Variants in TLR5 observed in about 807,000 individuals in gnomAD.
TLR5 encodes toll like receptor 5.
For synonymous variants in TLR5, 373 were observed against 384.4 expected, an observed-to-expected ratio of 0.97 and a Z score of 0.35; for missense variants, 944 against 999.8, an observed-to-expected ratio of 0.94 and a Z score of 0.75.
Position 223,116,705 on chromosome 1 carries a change from A to G in TLR5, c.-4-3670T>C, listed in dbSNP as rs111901904. Among the ~76,000 whole-genome samples, 1,241 of 152,088 alleles carry G rather than the reference A, an allele frequency of 8.2e-3. 18 individuals carry two copies. Among genetic ancestry groups the G allele is most frequent in the African/African-American group, 0.029 (1,196 of 41,432 alleles). On this transcript the variant is annotated intron_variant, in intron 5 of 5. Transcript: ENST00000642603. ...CACAGAGCTGATTGGTCTGTTTTACAAAGAGCTGATTGGTCCGTTTTGACA... is the reference window on the plus strand; with the variant it reads ...CACAGAGCTGATTGGTCTGTTTTACGAAGAGCTGATTGGTCCGTTTTGACA...
intron 5 of TLR5, among the ~76,000 whole-genome samples, chr1:223,115,225 G>A (rs1400423585): frequency 6.6e-6 from 1 of 152,080 alleles, no homozygotes; most frequent in Non-Finnish European, 1.5e-5. Flanking sequence ...AATTTGCTGA[G>A]CACCCATTAT....
intron 5 of TLR5, among the ~76,000 whole-genome samples, chr1:223,125,860 A>C (rs972247896): frequency 1.2e-4 from 18 of 152,198 alleles, no homozygotes; most frequent in African/African-American, 4.3e-4. Flanking sequence ...AGGTGACTCC[A>C]CCAGCAGAGA....
chr1:223,121,572 G>A (rs763133204), intron 5 of TLR5, among the ~76,000 whole-genome samples: 3 of 152,240 alleles, frequency 2.0e-5, no homozygotes, highest in Admixed American at 1.3e-4. Flanking sequence ...AGGCTGGAGT[G>A]CAGTGGTGCG....
intron 2 of TLR5, among the ~76,000 whole-genome samples, chr1:223,140,035 T>C (rs541528092): frequency 6.6e-6 from 1 of 152,288 alleles, no homozygotes; most frequent in Admixed American, 6.5e-5. Flanking sequence ...TTAACTCCTA[T>C]GGACAATACG....
At chr1:223,138,153 G>A (rs1657690177) in intron 2 of TLR5, among the ~76,000 whole-genome samples, 1 of 146,580 alleles carries the variant, frequency 6.8e-6, no homozygotes, top group Admixed American at 6.7e-5. Context: ...GGGGGTGGAG[G>A]GGTCTCACTA....
intron 5 of TLR5, among the ~76,000 whole-genome samples, chr1:223,125,825 G>T (rs1657143626): frequency 6.6e-6 from 1 of 152,188 alleles, no homozygotes; most frequent in Admixed American, 6.5e-5. Flanking sequence ...TGTGGCTTGG[G>T]CATCCAGGGT....
At chr1:223,120,233 A>C (rs1656895911) in intron 5 of TLR5, among the ~76,000 whole-genome samples, 1 of 152,204 alleles carries the variant, frequency 6.6e-6, no homozygotes, top group East Asian at 1.9e-4. Context: ...AGTTCTCATG[A>C]AAGAGACATT....
chr1:223,119,538 A>C (rs927917361), intron 5 of TLR5, among the ~76,000 whole-genome samples: 1 of 152,014 alleles, frequency 6.6e-6, no homozygotes, highest in African/African-American at 2.4e-5. Context: ...CCATGATGGG[A>C]AAGGTGAGGG....
At chr1:223,128,086 A>G (rs1452994737) in intron 5 of TLR5, 2 of 152,190 alleles carry the variant, frequency 1.3e-5, no homozygotes, top group Admixed American at 6.5e-5. Context: ...ATAGACGCAA[A>G]TCCCTATAAT....
At position 223,112,560 on chromosome 1, in the gene TLR5, G is replaced by A. The variant is rs145281488; in HGVS notation, c.472C>T (p.Arg158Cys). The change falls in exon 6 of 6, where the codon CGT becomes TGT. Residue 158 changes from arginine to cysteine, a missense_variant. By Grantham distance (180) the Arg-to-Cys change is radical. Transcript: ENST00000642603. ...AATGAAGGATGAAGGTAAAGGCTACGAATCTGATTTTTGGATAGATCCAAG... is the reference window on the plus strand; with the variant it reads ...AATGAAGGATGAAGGTAAAGGCTACAAATCTGATTTTTGGATAGATCCAAG... ...TRLDLSKNQI[R>C]SLYLHPSFGK... The A allele has an allele frequency of 4.8e-5, 78 of 1,614,212 alleles. No homozygotes were observed. The highest frequency in any genetic ancestry group is 1.7e-4 in the Admixed American group (10 of 60,028).
chr1:223,138,957 G>A (rs911651211), intron 2 of TLR5, among the ~76,000 whole-genome samples: 2 of 152,182 alleles, frequency 1.3e-5, no homozygotes. Flanking sequence ...AGTCTCACGA[G>A]ATTTAATGGT....
intron 1 of TLR5, among the ~76,000 whole-genome samples, chr1:223,142,798 G>A (rs1251830933): frequency 6.6e-6 from 1 of 152,176 alleles, no homozygotes; most frequent in Non-Finnish European, 1.5e-5. Flanking sequence ...TTCCAAGGAA[G>A]AAAGTGACTG....
At chr1:223,123,169 G>A (rs1271278156) in intron 5 of TLR5, among the ~76,000 whole-genome samples, 3 of 152,158 alleles carry the variant, frequency 2.0e-5, no homozygotes, top group Admixed American at 1.3e-4. Flanking sequence ...ATCCAAACAC[G>A]AGAAGGAAAT....
chr1:223,111,245 T>G lies in TLR5; in HGVS notation c.1787A>C (p.His596Pro). The G allele has an allele frequency of 6.2e-7, 1 of 1,614,208 alleles. No individual in the cohort carries two copies. The highest frequency in any genetic ancestry group is 1.1e-5 in the South Asian group (1 of 91,084). ...ELSTFINWLN[H>P]TNVTIAGPPA... ...AGGCCCAGCTATAGTGACATTGGTG[T>G]GATTAAGCCAATTGATAAAAGTGCT... The change falls in exon 6 of 6, where the codon CAC becomes CCC. Residue 596 changes from histidine (H) to proline (P), a missense_variant. Physicochemically the swap from His to Pro is moderately conservative, Grantham distance 77 (BLOSUM62 -2). Transcript: ENST00000642603.
chr1:223,114,861 A>C (rs1053308014), intron 5 of TLR5, among the ~76,000 whole-genome samples: 1 of 152,162 alleles, frequency 6.6e-6, no homozygotes. Context: ...TCTTTTAAAC[A>C]TCATTCTTTT....
At chr1:223,113,803 G>A (rs1198008433) in intron 5 of TLR5, among the ~76,000 whole-genome samples, 2 of 152,176 alleles carry the variant, frequency 1.3e-5, no homozygotes, top group African/African-American at 4.8e-5. Context: ...TCATTCATTC[G>A]TTTGTTTATT....
At chr1:223,133,005 A>G (rs974592207) in intron 4 of TLR5, among the ~76,000 whole-genome samples, 31 of 152,214 alleles carry the variant, frequency 2.0e-4, no homozygotes, top group African/African-American at 7.5e-4. Context: ...TCCAGTGAGC[A>G]GAGAACTTCC....
chr1:223,112,768 C>T lies in TLR5; in HGVS notation c.264G>A (p.Lys88=). The change falls in exon 6 of 6, where the codon AAG becomes AAA. Residue 88 remains lysine (K), a synonymous_variant. Coordinates refer to ENST00000642603, the MANE Select transcript of TLR5 (RefSeq NM_003268.6). ...GSQYTPLTID[K]EAFRNLPNLR... ...GGTTGGGCAGGTTTCTGAAGGCCTC[C>T]TTGTCAATAGTCAAGGGGGTATACT... is the stretch of plus-strand genomic sequence containing the variant. 1 of 1,613,918 alleles carries T rather than the reference C, an allele frequency of 6.2e-7. No homozygotes were observed. Among genetic ancestry groups the T allele is most frequent in the South Asian group, 1.1e-5 (1 of 91,040 alleles).
At chr1:223,124,269 C>A (rs1259761445) in intron 5 of TLR5, among the ~76,000 whole-genome samples, 2 of 151,912 alleles carry the variant, frequency 1.3e-5, no homozygotes, top group Non-Finnish European at 2.9e-5. Flanking sequence ...CACGGTGAAA[C>A]CTATCTCTAT....
Sources: gnomAD v4.1 joint callset for allele counts (sites outside exome capture counted in the v4.1 genomes callset) on GRCh38, gnomAD v4.1.1 for gene constraint, MANE v1.5 for transcripts, NCBI Gene and HGNC (gene_info 2026-07-23, HGNC 2026-07-21) for gene names.